Variants in MYO1B observed in about 807,000 individuals in gnomAD.
MYO1B encodes the protein myosin IB, also known as unconventional myosin-Ib.
A neutral mutation model predicts 159.7 loss-of-function variants in MYO1B; 72 were observed. The ratio of observed to expected loss-of-function variants is 0.45; its 90% CI spans 0.37 to 0.55. The LOEUF (loss-of-function observed/expected upper bound fraction) is 0.55. Ranked by LOEUF, MYO1B falls within the 20% of genes least tolerant of loss-of-function variation. The probability of loss-of-function intolerance (pLI) is 0.00; values close to 1 mark genes in which losing one functional copy is unlikely to be tolerated. For synonymous variants in MYO1B, 468 were observed against 473.8 expected, an observed-to-expected ratio of 0.99 and a Z score of 0.16; for missense variants, 1,062 against 1,364.8, an observed-to-expected ratio of 0.78 and a Z score of 3.50.
chr2:191,303,943 C>T (rs967829255), intron 3 of MYO1B, among the ~76,000 whole-genome samples: 3 of 152,130 alleles, frequency 2.0e-5, no homozygotes, highest in African/African-American at 7.2e-5. Context: ...GCTAAAATTA[C>T]CCTTTTCCTT....
At position 191,278,595 on chromosome 2, in the gene MYO1B, G is replaced by A. The variant is rs140061532; in HGVS notation, c.135+1565G>A. Among the ~76,000 whole-genome samples the A allele has an allele frequency of 6.4e-4, 98 of 152,316 alleles. 1 individual carries two copies. In the East Asian group the frequency reaches 0.013, roughly 21 times the overall value. On this transcript the variant is annotated intron_variant, in intron 2 of 30. Coordinates refer to ENST00000392318, the MANE Select transcript of MYO1B (RefSeq NM_001130158.3). ...AATACTGCTTTTGGAGTCTTAATTG[G>A]ATAACTGGATACTAAACTGAAATGT...
At chr2:191,260,253 G>GTTTTTTTTTTTTTTT (rs1256549425) in intron 1 of MYO1B, among the ~76,000 whole-genome samples, 2 of 22,614 alleles carry the variant, frequency 8.8e-5, no homozygotes, top group African/African-American at 1.0e-4. Context: ...TCCCAGATAG[G>GTTTTTTTTTTTTTTT]CTTTTTTTTT....
chr2:191,350,146 A>T lies in MYO1B; in HGVS notation c.499-16A>T. On this transcript the variant is annotated splice_polypyrimidine_tract_variant and intron_variant, in intron 6 of 30. Transcript: ENST00000392318. ...TTGAGATGAACTAGAAAACTCACAA[A>T]ATCTTTCTTTGGCAGGGCAAATATA... 2 of 1,611,234 alleles carry T rather than the reference A, an allele frequency of 1.2e-6. No homozygotes were observed. Among genetic ancestry groups the T allele is most frequent in the Non-Finnish European group, 1.7e-6 (2 of 1,177,880 alleles).
intron 21 of MYO1B, among the ~76,000 whole-genome samples, chr2:191,399,439 C>T (rs1696466792): frequency 6.6e-6 from 1 of 152,228 alleles, no homozygotes; most frequent in Non-Finnish European, 1.5e-5. Flanking sequence ...TGTAGCACTA[C>T]AGTGGTAGAG....
At chr2:191,353,498 G>A (rs967061139) in intron 7 of MYO1B, among the ~76,000 whole-genome samples, 9 of 152,180 alleles carry the variant, frequency 5.9e-5, no homozygotes, top group African/African-American at 9.7e-5. Context: ...ACACCTGAGC[G>A]AACTATGGAC....
rs145459630 is a variant in MYO1B at position 191,365,036 on chromosome 2, T to G, written c.1032+760T>G. On this transcript the variant is annotated intron_variant, in intron 11 of 30. Coordinates refer to ENST00000392318, the MANE Select transcript of MYO1B (RefSeq NM_001130158.3). Reference sequence around the variant, plus strand: ...TGGGGCCAGTGAAGTCTTTAGTCTTTGTAAGACACAAATCTGAGCTGCTGC... The same window carrying G: ...TGGGGCCAGTGAAGTCTTTAGTCTTGGTAAGACACAAATCTGAGCTGCTGC... 4.4e-4 allele frequency among the ~76,000 whole-genome samples: 67 copies of G among 152,304 alleles called. No individual in the cohort carries two copies. The East Asian group carries it at 0.011, about 25-fold the overall frequency.
intron 3 of MYO1B, among the ~76,000 whole-genome samples, chr2:191,328,785 G>A (rs1200331843): frequency 6.6e-6 from 1 of 151,998 alleles, no homozygotes; most frequent in Non-Finnish European, 1.5e-5. Flanking sequence ...TGATGTTTTG[G>A]CCTTTATTTT....
intron 30 of MYO1B, among the ~76,000 whole-genome samples, chr2:191,422,528 A>G (rs1040017442): frequency 3.3e-5 from 5 of 152,056 alleles, no homozygotes; most frequent in Non-Finnish European, 4.4e-5. Flanking sequence ...ATTTCTATAC[A>G]CTAATGGATT....
intron 3 of MYO1B, among the ~76,000 whole-genome samples, chr2:191,319,194 A>G (rs1463552155): frequency 1.3e-5 from 2 of 152,200 alleles, no homozygotes; most frequent in African/African-American, 4.8e-5. Context: ...GCAATCTCAA[A>G]TAATGTGCAG....
In MYO1B at chr2:191,315,943, G is replaced by A. The variant is rs151050810; in HGVS notation, c.252-13992G>A. 5.3e-3 allele frequency among the ~76,000 whole-genome samples: 807 copies of A among 152,276 alleles called. 6 individuals carry two copies. The highest frequency in any genetic ancestry group is 7.6e-3 in the Non-Finnish European group (516 of 68,032). Reference sequence around the variant, plus strand: ...GGTTGGGGAAGGGGAACAAGGTTTCGGCTCCGTAGGTGCCTAGTATACATC... The same window carrying A: ...GGTTGGGGAAGGGGAACAAGGTTTCAGCTCCGTAGGTGCCTAGTATACATC... On this transcript the variant is annotated intron_variant, in intron 3 of 30. Transcript: ENST00000392318.
At chr2:191,401,291 T>G (rs1696601336) in intron 23 of MYO1B, among the ~76,000 whole-genome samples, 1 of 152,186 alleles carries the variant, frequency 6.6e-6, no homozygotes, top group South Asian at 2.1e-4. Flanking sequence ...GAATGAAATT[T>G]TTTTTTAGGC....
intron 1 of MYO1B, among the ~76,000 whole-genome samples, chr2:191,276,548 A>T (rs1442772845): frequency 6.6e-6 from 1 of 152,176 alleles, no homozygotes; most frequent in Admixed American, 6.5e-5. Flanking sequence ...GCTGAGGGAA[A>T]GTAGGGGTGG....
chr2:191,332,054 C>CT (rs1691517553), intron 4 of MYO1B, among the ~76,000 whole-genome samples: 1 of 152,242 alleles, frequency 6.6e-6, no homozygotes, highest in Non-Finnish European at 1.5e-5. Flanking sequence ...CCTCCACCCT[C>CT]TGGGTTCAAG....
chr2:191,416,097 C>CCTGGT lies in MYO1B; in HGVS notation c.3160-18_3160-17insCTGGT, dbSNP rs746896371. ...AAGGTATCTTTAATTATGACCGACT[C>CCTGGT]TTGGTTTGTCCTTGCAGGGCTCAGA... On this transcript the variant is annotated splice_polypyrimidine_tract_variant and intron_variant, in intron 29 of 30. Transcript: ENST00000392318. The CCTGGT allele has an allele frequency of 1.2e-6, 2 of 1,608,634 alleles. No homozygotes were observed. Among genetic ancestry groups the CCTGGT allele is most frequent in the Admixed American group, 3.4e-5 (2 of 58,656 alleles).
chr2:191,361,828 A>C (rs1693691288), intron 8 of MYO1B, among the ~76,000 whole-genome samples: 1 of 151,984 alleles, frequency 6.6e-6, no homozygotes, highest in African/African-American at 2.4e-5. Context: ...AATAATTCAG[A>C]TATGAATCCA....
chr2:191,389,159 T>TA (rs570422238), intron 17 of MYO1B, among the ~76,000 whole-genome samples: 188 of 152,346 alleles, frequency 1.2e-3, no homozygotes, highest in African/African-American at 4.4e-3. Context: ...TGTCCATCTT[T>TA]ATTTAAGCCA....
chr2:191,289,705 T>C (rs1688587222), intron 2 of MYO1B, among the ~76,000 whole-genome samples: 1 of 152,202 alleles, frequency 6.6e-6, no homozygotes, highest in African/African-American at 2.4e-5. Flanking sequence ...ATGGCAAAAA[T>C]AGGTCATTAT....
chr2:191,260,505 A>G (rs1385033039), intron 1 of MYO1B, among the ~76,000 whole-genome samples: 1 of 151,844 alleles, frequency 6.6e-6, no homozygotes, highest in East Asian at 1.9e-4. Context: ...TCATTTTTAC[A>G]CAAAAGAACA....
At chr2:191,403,050 C>G (rs1046383257) in intron 24 of MYO1B, among the ~76,000 whole-genome samples, 3 of 152,120 alleles carry the variant, frequency 2.0e-5, no homozygotes, top group African/African-American at 7.2e-5. Context: ...AATAGTTGAG[C>G]TAAAAGCTGC....
Sources: allele counts gnomAD v4.1 joint callset (sites outside exome capture counted in the v4.1 genomes callset), GRCh38; gene constraint gnomAD v4.1.1; transcripts MANE v1.5; gene names NCBI Gene and HGNC (gene_info 2026-07-23, HGNC 2026-07-21).